MTPAP: variants seen among roughly 807,000 people sequenced by gnomAD.
MTPAP encodes poly(A) RNA polymerase, mitochondrial.
Under a neutral mutation model 48.7 loss-of-function variants are expected in MTPAP, and 23 were observed. That is an observed-to-expected ratio of 0.47 (90% confidence interval 0.34 to 0.67). MTPAP has a LOEUF of 0.67. MTPAP is among the 30% of genes least tolerant of loss of function. The pLI is 0.01. For missense variants in MTPAP, 614 were observed against 694.3 expected (o/e 0.88, Z 1.30); for synonymous variants, 257 against 254.1 (o/e 1.01, Z -0.11).
chr10:30,341,572 G>A lies in MTPAP; in HGVS notation c.226C>T (p.Arg76Trp), dbSNP rs774213357. 7 of 1,613,934 alleles carry A rather than the reference G, an allele frequency of 4.3e-6. No homozygotes were observed. Among genetic ancestry groups the A allele is most frequent in the African/African-American group, 1.3e-5 (1 of 75,022 alleles). Residue 76 changes from arginine to tryptophan, a missense_variant, in exon 2 of 9, where the codon CGG (arginine) becomes TGG (tryptophan). By Grantham distance (101) the Arg-to-Trp change is moderately radical. This residue lies in a region of MTPAP where 125 missense variants were observed against 111.5 expected (regional missense o/e 1.12). Coordinates refer to ENST00000263063, the MANE Select transcript of MTPAP (RefSeq NM_018109.4). ...TCTGGGCAATGTATTAAAACAGTCC[G>A]CTGTGCCTGTTCTCGTCTTTCATTT... ...MQNERREQAQ[R>W]TVLIHCPEKI...
chr10:30,347,851 A>G (rs1239378770), intron 1 of MTPAP, among the ~76,000 whole-genome samples: 1 of 152,082 alleles, frequency 6.6e-6, no homozygotes, highest in African/African-American at 2.4e-5. Context: ...AGATCGTGCC[A>G]TTGCACTCCA....
Position 30,349,271 on chromosome 10 carries a change from G to A in MTPAP, c.5C>T (p.Ala2Val), listed in dbSNP as rs769730934. M[A>V]VPGVGLLTRL... ...GGTCAAGAGCCCCACGCCGGGAACC[G>A]CCATTGCTAAAAAAAAAAAAAAAAA... Residue 2 changes from alanine to valine, a missense_variant, in exon 1 of 9, where the codon GCG (alanine) becomes GTG (valine). By Grantham distance (64) the Ala-to-Val change is moderately conservative. This residue lies in a region of MTPAP where 125 missense variants were observed against 111.5 expected (regional missense o/e 1.12). Coordinates refer to ENST00000263063, the MANE Select transcript of MTPAP (RefSeq NM_018109.4). 1.0e-5 allele frequency: 12 copies of A among 1,174,688 alleles called. No homozygotes were observed. The highest frequency in any genetic ancestry group is 3.2e-5 in the East Asian group (1 of 30,828). The allele number at this position is 1,174,688 out of a possible 1,614,324, so 72.8% of individuals were successfully genotyped here.
At position 30,336,781 on chromosome 10, in the gene MTPAP, T is replaced by C. The variant is rs573860994; in HGVS notation, c.780+22A>G. The C allele has an allele frequency of 1.6e-5, 24 of 1,527,632 alleles. 1 individual carries two copies. Among genetic ancestry groups the C allele is most frequent in the African/African-American group, 1.4e-4 (10 of 73,174 alleles). 94.6% of individuals were successfully genotyped at this position (1,527,632 alleles called of 1,614,324 possible). On this transcript the variant is annotated intron_variant, in intron 4 of 8. Transcript: ENST00000263063. ...CTTTCTTAACTTTACATGATTATAG[T>C]GGTCAAAAGAAATAGACTTACCTTG...
At chr10:30,343,475 A>G (rs1202043070) in intron 1 of MTPAP, among the ~76,000 whole-genome samples, 2 of 152,196 alleles carry the variant, frequency 1.3e-5, no homozygotes, top group Non-Finnish European at 2.9e-5. Flanking sequence ...GATGTATAGA[A>G]ATCAGCAGAA....
intron 5 of MTPAP, among the ~76,000 whole-genome samples, chr10:30,324,071 C>G (rs954366237): frequency 1.3e-5 from 2 of 152,052 alleles, no homozygotes; most frequent in African/African-American, 4.8e-5. Flanking sequence ...GGCCCAGCTA[C>G]TTGGGTGGCT....
chr10:30,316,022 C>A lies in MTPAP; in HGVS notation c.1327G>T (p.Glu443Ter). ...NTETLELLLK[E>*]FFEYFGNFAF... ...AAATTGCCAAAATACTCAAAAAATT[C>A]CTTCAGTAGTAATTCTGTAAGAAAA... The change falls in exon 8 of 9, where the codon GAA (glutamate) becomes TAA (stop). Residue 443 changes from glutamate (E) to a stop codon, truncating the protein, a stop_gained. Coordinates refer to ENST00000263063, the MANE Select transcript of MTPAP (RefSeq NM_018109.4). LOFTEE classifies it high-confidence loss of function. The A allele has an allele frequency of 1.2e-6, 2 of 1,611,050 alleles. No individual in the cohort carries two copies. The highest frequency in any genetic ancestry group is 1.7e-6 in the Non-Finnish European group (2 of 1,177,932).
intron 4 of MTPAP, among the ~76,000 whole-genome samples, chr10:30,327,218 TG>T (rs999082329): frequency 6.6e-6 from 1 of 151,984 alleles, no homozygotes; most frequent in African/African-American, 2.4e-5. Context: ...CCGGGTGCAG[TG>T]GCTCACGTCT....
intron 6 of MTPAP, among the ~76,000 whole-genome samples, chr10:30,318,989 G>C (rs1840692169): frequency 6.6e-6 from 1 of 151,666 alleles, no homozygotes; most frequent in Admixed American, 6.6e-5. Context: ...AGACCTAACA[G>C]ATGAGATCCT....
At chr10:30,330,191 T>G (rs1265493568) in intron 4 of MTPAP, among the ~76,000 whole-genome samples, 2 of 152,198 alleles carry the variant, frequency 1.3e-5, no homozygotes, top group African/African-American at 4.8e-5. Flanking sequence ...TTAGATATTT[T>G]TATATTAAAA....
intron 1 of MTPAP, among the ~76,000 whole-genome samples, chr10:30,342,223 G>A (rs567795696): frequency 4.1e-4 from 62 of 152,256 alleles, no homozygotes; most frequent in African/African-American, 1.4e-3. Flanking sequence ...GCAACAGAGC[G>A]AGACTCTGTC....
In MTPAP at chr10:30,315,317, A is replaced by G. The variant is rs191601398; in HGVS notation, c.1386+646T>C. 4.2e-3 allele frequency among the ~76,000 whole-genome samples: 634 copies of G among 152,340 alleles called. 5 individuals are homozygous for G. The highest frequency in any genetic ancestry group is 0.014 in the African/African-American group (602 of 41,584). ...TCTGGGTTTGTGTTTTATGAAGCCA[A>G]TCTTGTAAGGTTTGTAATCAAGTAG... On this transcript the variant is annotated intron_variant, in intron 8 of 8. Transcript: ENST00000263063.
intron 1 of MTPAP, among the ~76,000 whole-genome samples, chr10:30,343,435 A>C (rs982980504): frequency 1.3e-5 from 2 of 152,134 alleles, no homozygotes; most frequent in Admixed American, 1.3e-4. Context: ...TAAAATTCCA[A>C]AGAAATTAAA....
At chr10:30,346,796 A>G (rs1834877873) in intron 1 of MTPAP, among the ~76,000 whole-genome samples, 1 of 152,150 alleles carries the variant, frequency 6.6e-6, no homozygotes, top group Admixed American at 6.5e-5. Context: ...CCCATGAGAT[A>G]GGGATTATCA....
intron 5 of MTPAP, 58 bp downstream of exon 5, chr10:30,326,366 C>T: frequency 6.8e-7 from 1 of 1,470,234 alleles, no homozygotes; most frequent in South Asian, 1.2e-5. Context: ...GTGTGAGAAA[C>T]ACTAAGCTAA....
At chr10:30,331,365 A>T (rs2132858470) in intron 4 of MTPAP, among the ~76,000 whole-genome samples, 1 of 152,332 alleles carries the variant, frequency 6.6e-6, no homozygotes, top group South Asian at 2.1e-4. Flanking sequence ...CTTAGGCACT[A>T]ATTCTTACTT....
chr10:30,321,941 T>C (rs1840730574), intron 6 of MTPAP, among the ~76,000 whole-genome samples: 1 of 152,248 alleles, frequency 6.6e-6, no homozygotes, highest in African/African-American at 2.4e-5. Context: ...ATAATGCACC[T>C]AAGACTGCTT....
chr10:30,342,222 C>T (rs1216036365), intron 1 of MTPAP, among the ~76,000 whole-genome samples: 1 of 151,916 alleles, frequency 6.6e-6, no homozygotes, highest in African/African-American at 2.4e-5. Context: ...GGCAACAGAG[C>T]GAGACTCTGT....
chr10:30,313,468 T>G lies in MTPAP; in HGVS notation c.*141A>C, dbSNP rs1840622433. ...AAACATCCCAGAACTTCAGACCAGGTTAAGGGGGCCAATGAGAAGATCATG... is the reference window on the plus strand; with the variant it reads ...AAACATCCCAGAACTTCAGACCAGGGTAAGGGGGCCAATGAGAAGATCATG... On this transcript the variant is annotated 3_prime_UTR_variant, in exon 9 of 9. Transcript: ENST00000263063. 10 of 1,189,258 alleles carry G rather than the reference T, an allele frequency of 8.4e-6. No individual in the cohort carries two copies. The highest frequency in any genetic ancestry group is 1.5e-5 in the African/African-American group (1 of 66,254). 73.7% of individuals were successfully genotyped at this position (1,189,258 alleles called of 1,614,324 possible).
intron 1 of MTPAP, among the ~76,000 whole-genome samples, chr10:30,343,514 C>T (rs1384936916): frequency 6.6e-6 from 1 of 151,742 alleles, no homozygotes; most frequent in Non-Finnish European, 1.5e-5. Context: ...TTCCAAAAGG[C>T]TATGAAACTG....
Sources: gnomAD v4.1 joint callset for allele counts (sites outside exome capture counted in the v4.1 genomes callset) on GRCh38, gnomAD v4.1.1 for gene constraint, gnomAD v4.1.1 regional missense constraint, MANE v1.5 for transcripts, NCBI Gene and HGNC (gene_info 2026-07-23, HGNC 2026-07-21) for gene names.